Variants in SANBR observed in about 807,000 individuals in gnomAD.
SANBR encodes SANT and BTB domain regulator of class switch recombination.
SANBR carries 77 observed loss-of-function variants against 101.8 expected under a neutral mutation model. That is an observed-to-expected ratio of 0.76 (90% confidence interval 0.63 to 0.91). The LOEUF (loss-of-function observed/expected upper bound fraction) is 0.91. Among genes scored for constraint, SANBR ranks in the 40% least tolerant of loss-of-function variants. SANBR has a pLI of 0.00. For missense variants in SANBR, 875 were observed against 853.0 expected, an observed-to-expected ratio of 1.03 and a Z score of -0.32; for synonymous variants, 279 against 274.7, an observed-to-expected ratio of 1.02 and a Z score of -0.15.
rs549111270 is a variant in SANBR at position 61,107,821 on chromosome 2, G to C, written c.1612-496G>C. Among the ~76,000 whole-genome samples the C allele has an allele frequency of 1.1e-4, 16 of 152,078 alleles. No homozygotes were observed. In the East Asian group the frequency reaches 3.1e-3, roughly 29 times the overall value. ...GAATCGCTTAAACCCAGAAGGCGGA[G>C]GTTGCAGTGAGTGGAGATCGTGTCA... On this transcript the variant is annotated intron_variant, in intron 14 of 21. Coordinates refer to ENST00000402291, the MANE Select transcript of SANBR (RefSeq NM_001129993.3).
chr2:61,108,401 AAGTTT>A (rs747678235), intron 15 of SANBR, 52 bp downstream of exon 15: 2 of 1,242,108 alleles, frequency 1.6e-6, no homozygotes, highest in African/African-American at 3.1e-5. Context: ...TCCTAAATTA[AAGTTT>A]AGTTTAATAG....
intron 16 of SANBR, among the ~76,000 whole-genome samples, chr2:61,113,859 G>T (rs926397518): frequency 6.6e-6 from 1 of 152,194 alleles, no homozygotes; most frequent in Admixed American, 6.5e-5. Context: ...CGTTAAGTAT[G>T]TAATGTCAGT....
intron 12 of SANBR, among the ~76,000 whole-genome samples, chr2:61,098,359 C>T (rs1319573243): frequency 6.6e-6 from 1 of 152,112 alleles, no homozygotes; most frequent in Admixed American, 6.5e-5. Context: ...CTGCTTTGGC[C>T]TCCCAGAGTG....
chr2:61,118,929 C>G (rs1256217315), intron 20 of SANBR, among the ~76,000 whole-genome samples: 3 of 152,060 alleles, frequency 2.0e-5, no homozygotes, highest in Non-Finnish European at 4.4e-5. Flanking sequence ...TCCACCATGT[C>G]TTATTATCCA....
At chr2:61,106,444 A>G (rs1573644525) in intron 13 of SANBR, 119 bp from the exon 14 acceptor site, 1 of 613,738 alleles carries the variant, frequency 1.6e-6, no homozygotes, top group East Asian at 3.3e-5. Flanking sequence ...TGATATCCTT[A>G]TACTCAGGAA....
At chr2:61,106,414 A>C (rs1477936049) in intron 13 of SANBR, 149 bp from the exon 14 acceptor site, 2 of 431,978 alleles carry the variant, frequency 4.6e-6, no homozygotes, top group African/African-American at 2.3e-5. Context: ...AAAAAAAAAA[A>C]GGAAATGTCA....
rs139332835 is a variant in SANBR at position 61,068,030 on chromosome 2, T to C, written c.-146-819T>C. The stretch of plus-strand genomic sequence containing the variant: ...AATGTCTCTTAAGGTTTTGTGACCT[T>C]CTCGTTAATTCAGTAAACATTTTGG... On this transcript the variant is annotated intron_variant, in intron 1 of 21. Transcript: ENST00000402291. 3.9e-4 allele frequency among the ~76,000 whole-genome samples: 60 copies of C among 152,334 alleles called. 1 individual carries two copies. In the East Asian group the frequency reaches 0.011, roughly 28 times the overall value.
intron 4 of SANBR, 68 bp downstream of exon 4, chr2:61,071,860 T>C: frequency 2.1e-6 from 2 of 954,914 alleles, no homozygotes; most frequent in African/African-American, 1.7e-5. Flanking sequence ...TATATTCCAA[T>C]CAACTTTTCT....
At chr2:61,081,724 C>G (rs1682140539) in intron 7 of SANBR, among the ~76,000 whole-genome samples, 1 of 152,224 alleles carries the variant, frequency 6.6e-6, no homozygotes, top group Non-Finnish European at 1.5e-5. Context: ...TCTCAGCTCA[C>G]TGCAACCTCT....
At chr2:61,127,334 A>G (rs1220918327), downstream of SANBR, among the ~76,000 whole-genome samples, 1 of 152,144 alleles carries the variant, frequency 6.6e-6, no homozygotes, top group Non-Finnish European at 1.5e-5. Flanking sequence ...CTTGTCACAA[A>G]TACCTTGTCA....
At chr2:61,086,741 AT>A (rs1310479702) in intron 8 of SANBR, among the ~76,000 whole-genome samples, 27 of 152,168 alleles carry the variant, frequency 1.8e-4, no homozygotes, top group African/African-American at 5.8e-4. Context: ...TCAAGAGAGG[AT>A]TTTTTGTTTT....
intron 12 of SANBR, 126 bp downstream of exon 12, chr2:61,097,978 C>T: frequency 1.6e-6 from 1 of 628,336 alleles, no homozygotes; most frequent in Non-Finnish European, 2.5e-6. Context: ...TAACACTCCC[C>T]CATTTTCCAT....
At chr2:61,103,277 G>A (rs1273174141) in intron 12 of SANBR, among the ~76,000 whole-genome samples, 2 of 151,580 alleles carry the variant, frequency 1.3e-5, no homozygotes, top group African/African-American at 2.4e-5. Flanking sequence ...AGCTGGGACT[G>A]GAGGCATGCA....
chr2:61,102,175 C>T (rs557235581), intron 12 of SANBR, among the ~76,000 whole-genome samples: 2 of 151,506 alleles, frequency 1.3e-5, no homozygotes, highest in Admixed American at 1.3e-4. Context: ...AGATCGAGAC[C>T]ACCCTGACTG....
chr2:61,108,908 A>G (rs1344972374), intron 15 of SANBR, among the ~76,000 whole-genome samples: 1 of 152,196 alleles, frequency 6.6e-6, no homozygotes, highest in Admixed American at 6.5e-5. Context: ...ATATCAAGGA[A>G]TATACATTTA....
intron 8 of SANBR, among the ~76,000 whole-genome samples, chr2:61,085,449 G>A (rs533101976): frequency 2.4e-4 from 37 of 151,832 alleles, no homozygotes; most frequent in Non-Finnish European, 4.4e-4. Context: ...GTCTGTTTCC[G>A]AATTGTCCTT....
chr2:61,113,813 T>C (rs1445096237), intron 16 of SANBR, among the ~76,000 whole-genome samples: 1 of 152,202 alleles, frequency 6.6e-6, no homozygotes, highest in East Asian at 1.9e-4. Flanking sequence ...CAGACATCCT[T>C]ACCTTGTCTG....
intron 8 of SANBR, among the ~76,000 whole-genome samples, chr2:61,084,615 G>A (rs993106494): frequency 5.9e-5 from 9 of 152,088 alleles, no homozygotes; most frequent in African/African-American, 2.2e-4. Flanking sequence ...GGTATGAAAC[G>A]AGGTCAGCAG....
intron 19 of SANBR, 77 bp downstream of exon 19, chr2:61,117,617 A>G: frequency 7.9e-7 from 1 of 1,266,948 alleles, no homozygotes; most frequent in Non-Finnish European, 1.1e-6. Context: ...TTTATACAGT[A>G]TGCTGAATAG....
Sources: allele counts gnomAD v4.1 joint callset (sites outside exome capture counted in the v4.1 genomes callset), GRCh38; gene constraint gnomAD v4.1.1; transcripts MANE v1.5; gene names NCBI Gene and HGNC (gene_info 2026-07-23, HGNC 2026-07-21).